STXBP4: variants seen among roughly 807,000 people sequenced by gnomAD.
The protein encoded by STXBP4 is syntaxin binding protein 4.
Under a neutral mutation model 76.1 loss-of-function variants are expected in STXBP4, and 55 were observed. That is an observed-to-expected ratio of 0.72 (90% CI 0.58 to 0.91). The LOEUF (loss-of-function observed/expected upper bound fraction) is 0.91, where lower values mean the gene tolerates loss of function less well. Ranked by LOEUF, STXBP4 falls within the 40% of genes least tolerant of loss-of-function variation. STXBP4 has a pLI of 0.00. For synonymous variants in STXBP4, 201 were observed against 220.2 expected, an observed-to-expected ratio of 0.91 and a Z score of 0.77; for missense variants, 618 against 636.9, an observed-to-expected ratio of 0.97 and a Z score of 0.32.
chr17:55,185,251 C>CTTCTTCTTCTTCTTCTTCTCCTT, the STXBP4 span, among the ~76,000 whole-genome samples: 133 of 49,378 alleles, frequency 2.7e-3, 9 homozygotes, highest in African/African-American at 0.01. Flanking sequence ...TTCTTCTTCT[C>CTTCTTCTTCTTCTTCTTCTCCTT]CTTCTCCTTC....
chr17:55,131,313 C>G (rs2145122841), intron 16 of STXBP4, among the ~76,000 whole-genome samples: 1 of 152,220 alleles, frequency 6.6e-6, no homozygotes, highest in East Asian at 1.9e-4. Context: ...TGTATGTCCT[C>G]TTTTTAGAAT....
the STXBP4 span, among the ~76,000 whole-genome samples, chr17:55,211,826 T>TG: frequency 7.0e-6 from 1 of 143,436 alleles, no homozygotes; most frequent in East Asian, 2.0e-4. Flanking sequence ...TTTTTTTTTT[T>TG]TTGACGGAGT....
At chr17:54,975,383 TC>T (rs765373342) in intron 1 of STXBP4, among the ~76,000 whole-genome samples, 2 of 152,184 alleles carry the variant, frequency 1.3e-5, no homozygotes, top group Non-Finnish European at 2.9e-5. Flanking sequence ...ATGCAGCCAG[TC>T]CTGGTCAAGA....
At chr17:54,975,427 G>A (rs1178133935) in intron 1 of STXBP4, among the ~76,000 whole-genome samples, 1 of 152,182 alleles carries the variant, frequency 6.6e-6, no homozygotes. Context: ...TAGAGATGCA[G>A]ATACAGATAT....
chr17:55,061,303 A>G lies in STXBP4; in HGVS notation c.1012-11597A>G, dbSNP rs535842217. Among the ~76,000 whole-genome samples, 45 of 152,298 alleles carry G rather than the reference A, an allele frequency of 3.0e-4. 1 individual carries two copies. The highest frequency in any genetic ancestry group is 6.8e-3 in the Middle Eastern group (2 of 294). ...TTTTCACATTTTCACACTTTTAAAG[A>G]TTGTGTTTCTTGTGTATTCATTTAA... is the stretch of plus-strand genomic sequence containing the variant. On this transcript the variant is annotated intron_variant, in intron 12 of 17. Coordinates refer to ENST00000376352, the MANE Select transcript of STXBP4 (RefSeq NM_178509.6).
intron 12 of STXBP4, among the ~76,000 whole-genome samples, chr17:55,059,266 G>A (rs999895607): frequency 6.6e-6 from 1 of 152,096 alleles, no homozygotes; most frequent in Admixed American, 6.6e-5. Flanking sequence ...CCTACTGTGT[G>A]TACATATTGG....
intron 16 of STXBP4, among the ~76,000 whole-genome samples, chr17:55,107,831 C>T (rs888114625): frequency 6.6e-6 from 1 of 152,214 alleles, no homozygotes; most frequent in Non-Finnish European, 1.5e-5. Flanking sequence ...CCAGCAGGAG[C>T]TCTCCTGTAT....
At chr17:55,004,072 G>A (rs976154236) in intron 7 of STXBP4, among the ~76,000 whole-genome samples, 12 of 151,874 alleles carry the variant, frequency 7.9e-5, no homozygotes, top group African/African-American at 2.9e-4. Flanking sequence ...CCAGCTACTC[G>A]GGAGGCTAAG....
intron 6 of STXBP4, 88 bp downstream of exon 6, chr17:54,999,930 T>G: frequency 1.1e-6 from 1 of 903,416 alleles, no homozygotes. Flanking sequence ...TATAGAATTA[T>G]TTCAGTAAAA....
chr17:55,066,026 C>T (rs2079047210), intron 12 of STXBP4, among the ~76,000 whole-genome samples: 1 of 152,036 alleles, frequency 6.6e-6, no homozygotes, highest in African/African-American at 2.4e-5. Context: ...TAAAGAAAAT[C>T]TTTGTTTCTT....
At chr17:55,038,322 T>A (rs1179254122) in intron 10 of STXBP4, among the ~76,000 whole-genome samples, 8 of 152,100 alleles carry the variant, frequency 5.3e-5, no homozygotes, top group Non-Finnish European at 1.0e-4. Context: ...CACCTTTACA[T>A]TGGAACCAGT....
intron 16 of STXBP4, among the ~76,000 whole-genome samples, chr17:55,103,711 A>T (rs1302460104): frequency 1.3e-5 from 2 of 151,988 alleles, no homozygotes; most frequent in South Asian, 4.1e-4. Flanking sequence ...TGAATCTATA[A>T]GTTACTTTGT....
chr17:55,154,276 C>T (rs2080252222), intron 17 of STXBP4, among the ~76,000 whole-genome samples: 1 of 152,172 alleles, frequency 6.6e-6, no homozygotes, highest in African/African-American at 2.4e-5. Context: ...CTGTTACCTT[C>T]TATTGACAGG....
intron 16 of STXBP4, among the ~76,000 whole-genome samples, chr17:55,111,981 T>A (rs2079725188): frequency 1.3e-5 from 2 of 152,144 alleles, no homozygotes; most frequent in Admixed American, 1.3e-4. Flanking sequence ...AATAGCACAG[T>A]CATAGCTCAC....
At chr17:55,060,328 AGATT>A (rs2078980399) in intron 12 of STXBP4, among the ~76,000 whole-genome samples, 1 of 152,102 alleles carries the variant, frequency 6.6e-6, no homozygotes, top group Non-Finnish European at 1.5e-5. Context: ...ATTTTTCCAA[AGATT>A]GATTTCTTTT....
At chr17:55,102,460 CT>C (rs1364440287) in intron 16 of STXBP4, among the ~76,000 whole-genome samples, 6 of 152,006 alleles carry the variant, frequency 3.9e-5, no homozygotes, top group Admixed American at 1.3e-4. Context: ...ATGAACTCAT[CT>C]TTTTTTATGG....
intron 12 of STXBP4, among the ~76,000 whole-genome samples, chr17:55,054,263 G>A (rs1283188979): frequency 6.6e-6 from 1 of 152,158 alleles, no homozygotes; most frequent in Non-Finnish European, 1.5e-5. Flanking sequence ...AAGGTGGGTG[G>A]ATCACTTGAG....
Position 55,160,050 on chromosome 17 carries a change from G to A in STXBP4, c.*139G>A. 5.7e-6 allele frequency: 3 copies of A among 521,880 alleles called. No homozygotes were observed. The highest frequency in any genetic ancestry group is 3.3e-5 in the South Asian group (1 of 30,290). The allele number at this position is 521,880 out of a possible 1,614,324, so 32.3% of individuals were successfully genotyped here. On this transcript the variant is annotated 3_prime_UTR_variant, in exon 18 of 18. Transcript: ENST00000376352. ...TGTGAAATGGAGACTCTGGACTTTG[G>A]GTATTTTTGTAAAACTTTTGATATT...
At chr17:55,010,268 A>G (rs1475940504) in intron 8 of STXBP4, among the ~76,000 whole-genome samples, 1 of 151,972 alleles carries the variant, frequency 6.6e-6, no homozygotes, top group Non-Finnish European at 1.5e-5. Context: ...ATATATACAC[A>G]CATACAAACA....
Sources: allele counts gnomAD v4.1 joint callset (sites outside exome capture counted in the v4.1 genomes callset), GRCh38; gene constraint gnomAD v4.1.1; transcripts MANE v1.5; gene names NCBI Gene and HGNC (gene_info 2026-07-23, HGNC 2026-07-21).